Variants in P2RX5 observed in about 807,000 individuals in gnomAD.
The protein encoded by P2RX5 is P2X purinoceptor 5.
P2RX5 carries 46 observed loss-of-function variants against 54.1 expected under a neutral mutation model. The ratio of observed to expected loss-of-function variants is 0.85; its 90% CI spans 0.67 to 1.09. The LOEUF is 1.09. Ranked by LOEUF, P2RX5 falls within the 50% of genes least tolerant of loss-of-function variation. The pLI is 0.00. For missense variants in P2RX5, 566 were observed against 549.8 expected (o/e 1.03, Z -0.29); for synonymous variants, 226 against 226.4 (o/e 1.00, Z 0.02).
chr17:3,675,968 C>G, intron 11 of P2RX5: 1 of 985,384 alleles, frequency 1.0e-6, no homozygotes, highest in Non-Finnish European at 1.2e-6. Context: ...GAGACCATGT[C>G]CCTGGGCCCC....
At chr17:3,702,521 A>G in the P2RX5 span, among the ~76,000 whole-genome samples, 1 of 152,152 alleles carries the variant, frequency 6.6e-6, no homozygotes, top group Non-Finnish European at 1.5e-5. Context: ...CCCTCTTCAC[A>G]ATAAATCTTG....
the P2RX5 span, chr17:3,723,492 A>C: frequency 1.0e-6 from 1 of 995,360 alleles, no homozygotes; most frequent in Non-Finnish European, 1.6e-6. Flanking sequence ...AGAGGGTGTG[A>C]GCAATTTCAG....
intron 9 of P2RX5, chr17:3,682,816 G>GTTGT (rs1469136782): frequency 5.9e-5 from 9 of 152,348 alleles, no homozygotes; most frequent in African/African-American, 2.2e-4. Context: ...CCTGAGGCCA[G>GTTGT]GAGTTCGAGA....
chr17:3,720,406 G>A, the P2RX5 span: 9 of 1,306,418 alleles, frequency 6.9e-6, no homozygotes, highest in East Asian at 2.3e-5. Context: ...TTAGTAACTA[G>A]AAGATGGGGA....
At chr17:3,700,465 G>A (rs1252384309), upstream of P2RX5, among the ~76,000 whole-genome samples, 1 of 151,834 alleles carries the variant, frequency 6.6e-6, no homozygotes, top group African/African-American at 2.4e-5. Context: ...CTCGGGAGGC[G>A]GAGCTTGCAG....
intron 9 of P2RX5, among the ~76,000 whole-genome samples, chr17:3,683,402 C>A (rs1277021346): frequency 2.0e-5 from 3 of 152,204 alleles, no homozygotes; most frequent in Admixed American, 2.0e-4. Context: ...ACAGGTCTGT[C>A]CCCAGAGGGT....
chr17:3,684,869 G>A (rs2050394176), intron 9 of P2RX5, among the ~76,000 whole-genome samples: 1 of 88,368 alleles, frequency 1.1e-5, no homozygotes, highest in South Asian at 4.2e-4. Context: ...TTTGGAGATG[G>A]AGTTTTGCTC....
At chr17:3,723,311 T>C in the P2RX5 span, 1 of 1,612,794 alleles carries the variant, frequency 6.2e-7, no homozygotes. Context: ...TCCCAGGAGA[T>C]CTCTGCAGCC....
chr17:3,720,300 G>C, the P2RX5 span: 1 of 1,451,860 alleles, frequency 6.9e-7, no homozygotes, highest in Non-Finnish European at 9.7e-7. Flanking sequence ...AGCCAGCCAG[G>C]AATTACCTTA....
At chr17:3,723,652 C>G in the P2RX5 span, 16 of 1,539,596 alleles carry the variant, frequency 1.0e-5, no homozygotes, top group Non-Finnish European at 1.2e-5. Flanking sequence ...TCAGGCCCTC[C>G]GCCCTCCCCT....
chr17:3,678,084 C>G, intron 11 of P2RX5: 1 of 985,448 alleles, frequency 1.0e-6, no homozygotes, highest in Non-Finnish European at 1.2e-6. Context: ...GGCTACATCT[C>G]CACTGTCTGC....
chr17:3,715,222 G>A, the P2RX5 span, among the ~76,000 whole-genome samples: 4 of 152,024 alleles, frequency 2.6e-5, no homozygotes, highest in Non-Finnish European at 5.9e-5. Context: ...TGATAATTTC[G>A]GCTGTACTGG....
rs1359278651 is a variant in P2RX5 at position 3,677,415 on chromosome 17, G to C, written c.1259+2175C>G. The C allele has an allele frequency of 1.1e-5, 11 of 985,278 alleles. No individual in the cohort carries two copies. In the Admixed American group the frequency reaches 3.7e-4, roughly 33 times the overall value. 61.0% of individuals were successfully genotyped at this position (985,278 alleles called of 1,614,324 possible). On this transcript the variant is annotated intron_variant, in intron 11 of 11. Coordinates refer to ENST00000225328, the MANE Select transcript of P2RX5 (RefSeq NM_002561.4). ...TCCCCATCTTACCTAGACTCCCCAGGAGCTGGCTTCCCCACTAAGAGCCAG... is the reference window on the plus strand; with the variant it reads ...TCCCCATCTTACCTAGACTCCCCAGCAGCTGGCTTCCCCACTAAGAGCCAG...
chr17:3,713,952 C>CAG, the P2RX5 span, among the ~76,000 whole-genome samples: 79,788 of 151,058 alleles, frequency 0.53, 21,911 homozygotes, highest in African/African-American at 0.64. Context: ...TTTTTTGAGA[C>CAG]AGTCTTGCTC....
At chr17:3,720,460 G>A in the P2RX5 span, 1 of 807,044 alleles carries the variant, frequency 1.2e-6, no homozygotes, top group Non-Finnish European at 2.2e-6. Flanking sequence ...TGAACTCACT[G>A]TGTTTGAACA....
At position 3,690,357 on chromosome 17, in the gene P2RX5, C is replaced by A. The variant is rs964316270; in HGVS notation, c.533+70G>T. The A allele has an allele frequency of 3.2e-5, 42 of 1,305,002 alleles. No homozygotes were observed. In the African/African-American group the frequency reaches 5.1e-4, roughly 16 times the overall value. 80.8% of individuals were successfully genotyped at this position (1,305,002 alleles called of 1,614,324 possible). A position where few individuals can be genotyped will look rare whatever the true frequency, so the allele number is the denominator to read the frequency against. On this transcript the variant is annotated intron_variant, in intron 5 of 11. Transcript: ENST00000225328. ...GAGGCTCCCAGAGTGGGCAGGACTC[C>A]ACCCTCAGGCTGGGACCCACCGCAC...
chr17:3,690,207 C>T lies in P2RX5; in HGVS notation c.534-57G>A, dbSNP rs561057169. ...AGGCCCCACCCCTGTGCCCCTCCCCCAGGCCTGGGCCAGTGTGAGGCCTGT... is the reference window on the plus strand; with the variant it reads ...AGGCCCCACCCCTGTGCCCCTCCCCTAGGCCTGGGCCAGTGTGAGGCCTGT... On this transcript the variant is annotated intron_variant, in intron 5 of 11. Transcript: ENST00000225328. 2.0e-5 allele frequency: 30 copies of T among 1,499,146 alleles called. No homozygotes were observed. The East Asian group carries it at 2.0e-4, about 10-fold the overall frequency. The allele number at this position is 1,499,146 out of a possible 1,614,324, so 92.9% of individuals were successfully genotyped here. A position where few individuals can be genotyped will look rare whatever the true frequency, so the allele number is the denominator to read the frequency against.
At chr17:3,717,474 T>C in the P2RX5 span, 1 of 152,226 alleles carries the variant, frequency 6.6e-6, no homozygotes, top group Non-Finnish European at 1.5e-5. Context: ...TAATCTCTCT[T>C]CTGGCAGGGC....
chr17:3,689,602 A>T lies in P2RX5; in HGVS notation c.643T>A (p.Ser215Thr). ...KSNVMDVKDR[S>T]FLKSCHFGPK... ...CCAAAGTGGCATGATTTCAGGAAAG[A>T]TCTGTCCTTGACGTCCATCACATTG... The change falls in exon 7 of 12, where the codon TCT (serine) becomes ACT (threonine). Residue 215 changes from serine to threonine, a missense_variant. Transcript: ENST00000225328. 1.2e-6 allele frequency: 2 copies of T among 1,614,162 alleles called. No homozygotes were observed. The highest frequency in any genetic ancestry group is 2.2e-5 in the South Asian group (2 of 91,080).
Sources: allele counts gnomAD v4.1 joint callset (sites outside exome capture counted in the v4.1 genomes callset), GRCh38; gene constraint gnomAD v4.1.1; transcripts MANE v1.5; gene names NCBI Gene and HGNC (gene_info 2026-07-23, HGNC 2026-07-21).